The following FNDC3B variants were observed in gnomAD, a reference collection of about 807,000 sequenced individuals.
FNDC3B encodes the protein fibronectin type III domain-containing protein 3B.
In FNDC3B, 12 loss-of-function variants were observed where a neutral mutation model predicts 151.5. The observed-to-expected ratio is 0.08, with a 90% confidence interval of 0.05 to 0.13. The LOEUF (loss-of-function observed/expected upper bound fraction) is 0.13. Among genes scored for constraint, FNDC3B ranks in the 10% least tolerant of loss-of-function variants. The pLI is 1.00. For missense variants in FNDC3B, 1,214 were observed against 1,505.3 expected (o/e 0.81, Z 3.20); for synonymous variants, 528 against 549.0 (o/e 0.96, Z 0.54).
intron 1 of FNDC3B, among the ~76,000 whole-genome samples, chr3:172,095,852 C>T (rs1180678804): frequency 2.0e-5 from 3 of 152,122 alleles, no homozygotes; most frequent in Non-Finnish European, 2.9e-5. Flanking sequence ...TCACAGCGTG[C>T]ACTTCCTTGT....
intron 11 of FNDC3B, among the ~76,000 whole-genome samples, chr3:172,313,318 G>C (rs563842139): frequency 6.6e-6 from 1 of 152,308 alleles, no homozygotes; most frequent in East Asian, 1.9e-4. Flanking sequence ...ACCAAGATTA[G>C]GAAATATGGG....
intron 8 of FNDC3B, 56 bp from the exon 9 acceptor site, chr3:172,298,672 A>G (rs1730757178): frequency 7.7e-7 from 1 of 1,305,060 alleles, no homozygotes; most frequent in Non-Finnish European, 1.1e-6. Flanking sequence ...CAAATTCCAA[A>G]TCTCGTTTGC....
chr3:172,243,218 A>G (rs1361850012), intron 4 of FNDC3B, among the ~76,000 whole-genome samples: 1 of 152,044 alleles, frequency 6.6e-6, no homozygotes, highest in Non-Finnish European at 1.5e-5. Flanking sequence ...GAGCCCTCCA[A>G]ATTGCTCCAA....
chr3:172,146,768 G>A (rs1576907552), intron 3 of FNDC3B, among the ~76,000 whole-genome samples: 1 of 152,116 alleles, frequency 6.6e-6, no homozygotes, highest in African/African-American at 2.4e-5. Flanking sequence ...TGTGGTAGTT[G>A]GCTTTACTGA....
chr3:172,259,675 AC>A (rs1414707929), intron 6 of FNDC3B, among the ~76,000 whole-genome samples: 1 of 152,134 alleles, frequency 6.6e-6, no homozygotes, highest in Non-Finnish European at 1.5e-5. Flanking sequence ...CAAAGAGGAA[AC>A]CATGGTGGCC....
At chr3:172,252,444 A>G (rs1728134785) in intron 6 of FNDC3B, among the ~76,000 whole-genome samples, 1 of 151,616 alleles carries the variant, frequency 6.6e-6, no homozygotes. Flanking sequence ...CCCAGTTTCT[A>G]CCTGACTGAG....
At chr3:172,393,231 G>A (rs1180521156) in intron 25 of FNDC3B, among the ~76,000 whole-genome samples, 1 of 152,066 alleles carries the variant, frequency 6.6e-6, no homozygotes, top group African/African-American at 2.4e-5. Flanking sequence ...AAAGAAAGCA[G>A]GGATAGCTAA....
chr3:172,354,050 C>T (rs1310269359), intron 22 of FNDC3B, among the ~76,000 whole-genome samples: 2 of 151,540 alleles, frequency 1.3e-5, no homozygotes, highest in Non-Finnish European at 1.5e-5. Context: ...ATAATTCATA[C>T]TTGCTTTTTC....
intron 4 of FNDC3B, among the ~76,000 whole-genome samples, chr3:172,237,077 G>T (rs1727205045): frequency 6.6e-6 from 1 of 152,204 alleles, no homozygotes; most frequent in East Asian, 1.9e-4. Flanking sequence ...GTGTTGGCAT[G>T]TACAAAGCCA....
chr3:172,128,560 G>T (rs1720914580), intron 2 of FNDC3B, among the ~76,000 whole-genome samples: 1 of 152,098 alleles, frequency 6.6e-6, no homozygotes, highest in Non-Finnish European at 1.5e-5. Flanking sequence ...GAATCTTGGG[G>T]GTGGGGCTGG....
At chr3:172,365,340 C>G (rs1056861570) in intron 23 of FNDC3B, among the ~76,000 whole-genome samples, 2 of 152,132 alleles carry the variant, frequency 1.3e-5, no homozygotes, top group Non-Finnish European at 2.9e-5. Flanking sequence ...ATTTCATTAA[C>G]CACCAGTAAG....
chr3:172,186,164 C>T (rs1416702274), intron 3 of FNDC3B, among the ~76,000 whole-genome samples: 1 of 152,172 alleles, frequency 6.6e-6, no homozygotes, highest in Non-Finnish European at 1.5e-5. Context: ...TCCCTTCTTC[C>T]ATCAGTAGAA....
At chr3:172,324,072 CAG>C (rs1462195308) in intron 11 of FNDC3B, among the ~76,000 whole-genome samples, 1 of 152,110 alleles carries the variant, frequency 6.6e-6, no homozygotes, top group Non-Finnish European at 1.5e-5. Context: ...ATGATGACAT[CAG>C]GGGACAGGTT....
intron 21 of FNDC3B, among the ~76,000 whole-genome samples, chr3:172,348,070 G>A (rs541311480): frequency 2.0e-5 from 3 of 152,254 alleles, no homozygotes; most frequent in African/African-American, 7.2e-5. Flanking sequence ...CATTTCTTGA[G>A]CATTATAGTA....
chr3:172,350,152 T>G (rs1349714146), intron 21 of FNDC3B, among the ~76,000 whole-genome samples: 1 of 152,206 alleles, frequency 6.6e-6, no homozygotes, highest in Non-Finnish European at 1.5e-5. Flanking sequence ...ATTTTCCCAG[T>G]GGGAAGGAAG....
chr3:172,287,471 C>T (rs973598663), intron 7 of FNDC3B, among the ~76,000 whole-genome samples: 15 of 152,132 alleles, frequency 9.9e-5, no homozygotes, highest in East Asian at 3.9e-4. Context: ...GCTTTGCAGA[C>T]GGGGGTGCAG....
chr3:172,083,315 T>A (rs1452020143), intron 1 of FNDC3B, among the ~76,000 whole-genome samples: 2 of 151,910 alleles, frequency 1.3e-5, no homozygotes, highest in African/African-American at 4.8e-5. Context: ...CCCACAGGGG[T>A]GATAAGGATG....
intron 10 of FNDC3B, among the ~76,000 whole-genome samples, chr3:172,310,008 A>G (rs1731386840): frequency 6.6e-6 from 1 of 152,064 alleles, no homozygotes; most frequent in African/African-American, 2.4e-5. Context: ...CGGCCCTGGC[A>G]TGTTTTTGAA....
intron 1 of FNDC3B, among the ~76,000 whole-genome samples, chr3:172,108,746 G>A (rs541174458): frequency 5.3e-5 from 8 of 152,334 alleles, no homozygotes; most frequent in East Asian, 3.9e-4. Flanking sequence ...CACTCACTAC[G>A]TTTCCCTTTT....
Sources: allele counts gnomAD v4.1 joint callset (sites outside exome capture counted in the v4.1 genomes callset), GRCh38; gene constraint gnomAD v4.1.1; transcripts MANE v1.5; gene names NCBI Gene and HGNC (gene_info 2026-07-23, HGNC 2026-07-21).